WDR70: variants seen among roughly 807,000 people sequenced by gnomAD.
The protein encoded by WDR70 is WD repeat-containing protein 70.
A neutral mutation model predicts 88.6 loss-of-function variants in WDR70; 53 were observed. The ratio of observed to expected loss-of-function variants is 0.60; its 90% CI spans 0.48 to 0.75. The LOEUF (loss-of-function observed/expected upper bound fraction) is 0.75. Ranked by LOEUF, WDR70 falls within the 30% of genes least tolerant of loss-of-function variation. The pLI, the probability that WDR70 is intolerant of heterozygous loss-of-function variation, is 0.00. For synonymous variants in WDR70, 280 were observed against 270.0 expected, an observed-to-expected ratio of 1.04 and a Z score of -0.36; for missense variants, 610 against 823.2, an observed-to-expected ratio of 0.74 and a Z score of 3.17.
rs370983885 is a variant in WDR70, at chr5:37,676,902, C to T, written c.1093-20753C>T. On this transcript the variant is annotated intron_variant, in intron 10 of 17. Transcript: ENST00000265107. The stretch of plus-strand genomic sequence containing the variant: ...GTTGGTAAGCTATTGATTATTGCAA[C>T]AATTTCAGATCCTGTTATTGGTCTA... Among the ~76,000 whole-genome samples the T allele has an allele frequency of 1.1e-4, 16 of 152,162 alleles. No individual in the cohort carries two copies. In the East Asian group the frequency reaches 1.7e-3, roughly 16 times the overall value.
intron 9 of WDR70, among the ~76,000 whole-genome samples, chr5:37,546,194 A>T (rs1241188804): frequency 6.6e-6 from 1 of 152,048 alleles, no homozygotes; most frequent in African/African-American, 2.4e-5. Context: ...CAGCTTACTT[A>T]GACATATTTT....
intron 8 of WDR70, among the ~76,000 whole-genome samples, chr5:37,481,902 TCTCTAGGGAA>T (rs1466469496): frequency 1.3e-5 from 2 of 152,158 alleles, no homozygotes; most frequent in African/African-American, 2.4e-5. Flanking sequence ...GTTCCACAGA[TCTCTAGGGAA>T]CTCTAGAAAA....
chr5:37,684,105 G>A (rs1040027965), intron 10 of WDR70, among the ~76,000 whole-genome samples: 9 of 152,030 alleles, frequency 5.9e-5, no homozygotes, highest in Non-Finnish European at 1.2e-4. Flanking sequence ...TTCAAGCTCT[G>A]AGATTCTTTC....
Position 37,490,036 on chromosome 5 carries a change from T to G in WDR70, c.840+10049T>G, listed in dbSNP as rs905176249. Among the ~76,000 whole-genome samples, 6 of 151,940 alleles carry G rather than the reference T, an allele frequency of 3.9e-5. No individual in the cohort carries two copies. The East Asian group carries it at 1.2e-3, about 29-fold the overall frequency. ...CTGTGGTAGGTGGGACGGGGGCAAT[T>G]CCTAGGCCTTCAGATGGCGTGCTAT... On this transcript the variant is annotated intron_variant, in intron 8 of 17. Coordinates refer to ENST00000265107, the MANE Select transcript of WDR70 (RefSeq NM_018034.4).
At chr5:37,615,254 T>C (rs933481996) in intron 10 of WDR70, among the ~76,000 whole-genome samples, 4 of 151,896 alleles carry the variant, frequency 2.6e-5, no homozygotes, top group Non-Finnish European at 4.4e-5. Context: ...AGGTTGGAAT[T>C]AGGTAAGAAA....
At chr5:37,674,724 T>C (rs1312667119) in intron 10 of WDR70, among the ~76,000 whole-genome samples, 1 of 151,992 alleles carries the variant, frequency 6.6e-6, no homozygotes, top group South Asian at 2.1e-4. Flanking sequence ...GCAGCATGAT[T>C]TATAATCCTT....
At chr5:37,527,391 C>T (rs1354251602) in intron 9 of WDR70, among the ~76,000 whole-genome samples, 3 of 152,084 alleles carry the variant, frequency 2.0e-5, no homozygotes, top group Non-Finnish European at 2.9e-5. Context: ...GAAAGGATTC[C>T]CTATTTAATA....
intron 10 of WDR70, among the ~76,000 whole-genome samples, chr5:37,691,624 T>C (rs55849485): frequency 0.37 from 56,683 of 151,926 alleles, 11,038 homozygotes; most frequent in African/African-American, 0.47. Flanking sequence ...GGGTAAATAA[T>C]GAAATGAAGG....
chr5:37,557,941 T>TCTTCAAAAGAGGACTCTTTTGAAA (rs1273640422), intron 9 of WDR70, among the ~76,000 whole-genome samples: 1 of 52,146 alleles, frequency 1.9e-5, no homozygotes, highest in Non-Finnish European at 4.5e-5. Context: ...CTCTTTTGAA[T>TCTTCAAAAGAGGACTCTTTTGAAA]ACTCTTCAAA....
intron 8 of WDR70, among the ~76,000 whole-genome samples, chr5:37,500,183 A>G (rs180855811): frequency 6.6e-6 from 1 of 152,304 alleles, no homozygotes; most frequent in Admixed American, 6.5e-5. Flanking sequence ...GTGAGGATAT[A>G]CAGTATTTAG....
chr5:37,694,139 C>T (rs1427281110), intron 10 of WDR70, among the ~76,000 whole-genome samples: 1 of 152,130 alleles, frequency 6.6e-6, no homozygotes, highest in Non-Finnish European at 1.5e-5. Flanking sequence ...AAATCAAAAC[C>T]ACAGTGAGAT....
At chr5:37,641,333 T>TG (rs1339872595) in intron 10 of WDR70, among the ~76,000 whole-genome samples, 1 of 151,634 alleles carries the variant, frequency 6.6e-6, no homozygotes, top group Non-Finnish European at 1.5e-5. Context: ...CTTGAACTCC[T>TG]GACCTCAGGT....
chr5:37,438,011 C>T (rs773038224), intron 6 of WDR70, 30 bp downstream of exon 6: 1 of 1,582,392 alleles, frequency 6.3e-7, no homozygotes, highest in East Asian at 2.3e-5. Context: ...TTTTTCCTCT[C>T]TCAAATTACA....
chr5:37,415,879 C>T (rs1275825860), intron 5 of WDR70, among the ~76,000 whole-genome samples: 12 of 150,312 alleles, frequency 8.0e-5, no homozygotes, highest in African/African-American at 2.5e-4. Flanking sequence ...GACGGGGCGG[C>T]GGGGCAGAGA....
At chr5:37,407,830 C>A (rs1162630289) in intron 5 of WDR70, among the ~76,000 whole-genome samples, 1 of 151,932 alleles carries the variant, frequency 6.6e-6, no homozygotes, top group African/African-American at 2.4e-5. Context: ...GCAGGTGAGC[C>A]ACTGTGCCCA....
intron 8 of WDR70, among the ~76,000 whole-genome samples, chr5:37,484,003 C>T (rs1350086380): frequency 2.1e-4 from 31 of 149,794 alleles, no homozygotes; most frequent in Middle Eastern, 3.5e-3. Flanking sequence ...GATGGGCGGC[C>T]GGGCAGAGAC....
chr5:37,738,120 G>A (rs929617643), intron 17 of WDR70, among the ~76,000 whole-genome samples: 3 of 151,714 alleles, frequency 2.0e-5, no homozygotes, highest in Admixed American at 6.6e-5. Flanking sequence ...TTTGGTCAAG[G>A]CTTTTATTTA....
At chr5:37,649,730 C>CTTTTTTTTTTTTT (rs551468211) in intron 10 of WDR70, among the ~76,000 whole-genome samples, 1 of 48,848 alleles carries the variant, frequency 2.0e-5, no homozygotes, top group South Asian at 8.9e-4. Flanking sequence ...GATGTTATTA[C>CTTTTTTTTTTTTT]TTCTTTTTTT....
rs200819438 is a variant in WDR70 at position 37,379,328 on chromosome 5, G to A, written c.-40G>A. On this transcript the variant is annotated 5_prime_UTR_variant, in exon 1 of 18. Transcript: ENST00000265107. ...TTGGCAAGTTCCCCTGCAGTTGTTTGGGCTGTCCCTGTGGCTGGTTCTGGG... is the reference window on the plus strand; with the variant it reads ...TTGGCAAGTTCCCCTGCAGTTGTTTAGGCTGTCCCTGTGGCTGGTTCTGGG... The A allele has an allele frequency of 2.1e-4, 331 of 1,612,926 alleles. No homozygotes were observed. Among genetic ancestry groups the A allele is most frequent in the Admixed American group, 3.5e-4 (21 of 59,852 alleles).
Sources: gnomAD v4.1 joint callset for allele counts (sites outside exome capture counted in the v4.1 genomes callset) on GRCh38, gnomAD v4.1.1 for gene constraint, MANE v1.5 for transcripts, NCBI Gene and HGNC (gene_info 2026-07-23, HGNC 2026-07-21) for gene names.